ATP8A2: variants seen among roughly 807,000 people sequenced by gnomAD.
ATP8A2 encodes the protein ATPase phospholipid transporting 8A2, also known as phospholipid-transporting ATPase IB.
Under a neutral mutation model 165.6 loss-of-function variants are expected in ATP8A2, and 100 were observed. That is an observed-to-expected ratio of 0.60 (90% CI 0.51 to 0.71). The LOEUF (loss-of-function observed/expected upper bound fraction) is 0.71. Among genes scored for constraint, ATP8A2 ranks in the 30% least tolerant of loss-of-function variants. The pLI is 0.00. For missense variants in ATP8A2, 1,227 were observed against 1,479.5 expected (o/e 0.83, Z 2.80); for synonymous variants, 543 against 548.8 (o/e 0.99, Z 0.15).
intron 24 of ATP8A2, among the ~76,000 whole-genome samples, chr13:25,638,763 A>G (rs1300827823): frequency 2.6e-5 from 4 of 152,152 alleles, no homozygotes; most frequent in African/African-American, 9.7e-5. Flanking sequence ...GAATGCCACA[A>G]AGATACTCCT....
At chr13:25,531,128 T>A (rs1220510433) in intron 4 of ATP8A2, among the ~76,000 whole-genome samples, 1 of 103,432 alleles carries the variant, frequency 9.7e-6, no homozygotes, top group East Asian at 2.0e-4. Context: ...TATATATTTG[T>A]GTGTGTGTGT....
chr13:25,870,279 G>A (rs1453397264), intron 33 of ATP8A2, among the ~76,000 whole-genome samples: 2 of 152,078 alleles, frequency 1.3e-5, no homozygotes, highest in East Asian at 1.9e-4. Flanking sequence ...CTAGGGTCTC[G>A]ATTTTTGTAT....
intron 35 of ATP8A2, among the ~76,000 whole-genome samples, chr13:25,991,588 T>C (rs1050934823): frequency 2.6e-5 from 4 of 152,264 alleles, no homozygotes; most frequent in Non-Finnish European, 5.9e-5. Flanking sequence ...ATACATGGAA[T>C]CTTATAACGT....
intron 2 of ATP8A2, among the ~76,000 whole-genome samples, chr13:25,499,665 C>G (rs2036789511): frequency 6.6e-6 from 1 of 152,180 alleles, no homozygotes; most frequent in Non-Finnish European, 1.5e-5. Context: ...GCTATTATCT[C>G]AAACTCTGCC....
chr13:25,878,214 G>GTCAC (rs1952871254), intron 33 of ATP8A2, among the ~76,000 whole-genome samples: 1 of 152,158 alleles, frequency 6.6e-6, no homozygotes, highest in Non-Finnish European at 1.5e-5. Flanking sequence ...CCCCTTCTCA[G>GTCAC]TCACCGCCAG....
At chr13:25,437,010 C>G (rs1490474115) in intron 1 of ATP8A2, among the ~76,000 whole-genome samples, 4 of 152,144 alleles carry the variant, frequency 2.6e-5, no homozygotes, top group Non-Finnish European at 5.9e-5. Flanking sequence ...TTCCTAAGCT[C>G]AAGTGACCCA....
At chr13:25,643,967 C>T (rs1451123378) in intron 24 of ATP8A2, among the ~76,000 whole-genome samples, 1 of 126,324 alleles carries the variant, frequency 7.9e-6, no homozygotes, top group African/African-American at 3.0e-5. Context: ...ACATGTCTTT[C>T]ACCTCCTTAG....
chr13:25,784,493 G>C (rs1361676792), intron 27 of ATP8A2, among the ~76,000 whole-genome samples: 2 of 152,204 alleles, frequency 1.3e-5, no homozygotes, highest in African/African-American at 4.8e-5. Flanking sequence ...GGCAAGGGGT[G>C]AATGTTACTT....
At chr13:25,599,277 A>T (rs1421308060) in intron 24 of ATP8A2, among the ~76,000 whole-genome samples, 3 of 152,116 alleles carry the variant, frequency 2.0e-5, no homozygotes, top group Non-Finnish European at 2.9e-5. Flanking sequence ...ATTCTCTAAC[A>T]TTCTTTGTCT....
chr13:25,631,565 C>T (rs895024828), intron 24 of ATP8A2, among the ~76,000 whole-genome samples: 1 of 152,078 alleles, frequency 6.6e-6, no homozygotes, highest in Non-Finnish European at 1.5e-5. Context: ...AAGATGCTTG[C>T]TGCTTATGTG....
chr13:25,855,980 T>C (rs1952153750), intron 30 of ATP8A2, among the ~76,000 whole-genome samples: 2 of 152,240 alleles, frequency 1.3e-5, no homozygotes, highest in African/African-American at 4.8e-5. Flanking sequence ...ATCCTTTGCC[T>C]ATTTTTAAAT....
intron 27 of ATP8A2, among the ~76,000 whole-genome samples, chr13:25,798,323 A>G (rs1950538817): frequency 6.6e-6 from 1 of 152,230 alleles, no homozygotes; most frequent in Admixed American, 6.5e-5. Context: ...GTTATTTGTG[A>G]AAAGTGTCAT....
chr13:25,454,524 A>G lies in ATP8A2; in HGVS notation c.77-14453A>G, dbSNP rs147208778. Among the ~76,000 whole-genome samples the G allele has an allele frequency of 5.0e-3, 757 of 152,204 alleles. 7 individuals are homozygous for G. Among genetic ancestry groups the G allele is most frequent in the African/African-American group, 0.018 (731 of 41,538 alleles). On this transcript the variant is annotated intron_variant, in intron 1 of 36. Transcript: ENST00000381655. ...CTGATGGCTGTGACAGAAACGAGAGAAGCAAGCAGAGCTGGGCAGGGCAGG... is the reference window on the plus strand; with the variant it reads ...CTGATGGCTGTGACAGAAACGAGAGGAGCAAGCAGAGCTGGGCAGGGCAGG...
chr13:25,754,609 T>G (rs2044221936), intron 25 of ATP8A2, among the ~76,000 whole-genome samples: 1 of 152,156 alleles, frequency 6.6e-6, no homozygotes, highest in African/African-American at 2.4e-5. Flanking sequence ...TTGGAGAATT[T>G]TCTGATGTCA....
At chr13:25,652,566 A>G (rs753122852) in intron 24 of ATP8A2, among the ~76,000 whole-genome samples, 3 of 152,218 alleles carry the variant, frequency 2.0e-5, no homozygotes, top group Non-Finnish European at 2.9e-5. Flanking sequence ...GTTATTCAGA[A>G]CAAGGTTGGT....
At chr13:25,407,626 A>G (rs1257339476) in intron 1 of ATP8A2, among the ~76,000 whole-genome samples, 1 of 152,182 alleles carries the variant, frequency 6.6e-6, no homozygotes, top group Non-Finnish European at 1.5e-5. Context: ...TTTGATTTTG[A>G]GGAGGATTAT....
chr13:25,556,897 C>T (rs1699423750), intron 13 of ATP8A2, among the ~76,000 whole-genome samples: 1 of 152,176 alleles, frequency 6.6e-6, no homozygotes. Flanking sequence ...CTCCCCTGCT[C>T]CTCATTATCC....
intron 35 of ATP8A2, among the ~76,000 whole-genome samples, chr13:26,000,386 A>C (rs1164321354): frequency 1.3e-5 from 2 of 152,218 alleles, no homozygotes; most frequent in Non-Finnish European, 2.9e-5. Context: ...TTTGGCAGTT[A>C]TGCATGTGTG....
chr13:25,512,914 AC>A (rs1402387587), intron 2 of ATP8A2, among the ~76,000 whole-genome samples: 2 of 95,364 alleles, frequency 2.1e-5, no homozygotes, highest in Non-Finnish European at 2.1e-5. Flanking sequence ...CGGGGGGCTG[AC>A]CCCCCCACCT....
Sources: gnomAD v4.1 joint callset for allele counts (sites outside exome capture counted in the v4.1 genomes callset) on GRCh38, gnomAD v4.1.1 for gene constraint, MANE v1.5 for transcripts, NCBI Gene and HGNC (gene_info 2026-07-23, HGNC 2026-07-21) for gene names.